PHC2: variants seen among roughly 807,000 people sequenced by gnomAD.
PHC2 encodes the protein polyhomeotic homolog 2, also known as polyhomeotic-like protein 2.
PHC2 carries 29 observed loss-of-function variants against 87.4 expected under a neutral mutation model. The observed-to-expected ratio is 0.33, with a 90% confidence interval of 0.25 to 0.45. The LOEUF is 0.45. Among genes scored for constraint, PHC2 ranks in the 20% least tolerant of loss-of-function variants. The pLI, the probability that PHC2 is intolerant of heterozygous loss-of-function variation, is 1.00. For missense variants in PHC2, 857 were observed against 1,136.7 expected, an observed-to-expected ratio of 0.75 and a Z score of 3.54; for synonymous variants, 438 against 461.7, an observed-to-expected ratio of 0.95 and a Z score of 0.66.
chr1:33,349,779 C>T lies in PHC2; in HGVS notation c.1558+4622G>A, dbSNP rs1409118568. The T allele has an allele frequency of 6.1e-6, 6 of 979,204 alleles. No individual in the cohort carries two copies. The South Asian group carries it at 2.8e-4, about 45-fold the overall frequency. The allele number at this position is 979,204 out of a possible 1,614,324, so 60.7% of individuals were successfully genotyped here. ...CGGCCTGGCCGGCGTCAACAAAGGG[C>T]GGCCGGGGCGCGAGGCCGGGACGGG... On this transcript the variant is annotated intron_variant, in intron 9 of 14. Coordinates refer to ENST00000683057, the MANE Select transcript of PHC2 (RefSeq NM_001385109.1). This position sits in a 1 kb window ranked among gnomAD's most constrained non-coding sequence, Gnocchi z 4.2.
intron 9 of PHC2, among the ~76,000 whole-genome samples, chr1:33,340,602 T>A (rs931505914): frequency 1.3e-5 from 2 of 152,168 alleles, no homozygotes; most frequent in Non-Finnish European, 2.9e-5. Context: ...TTTGGTTATA[T>A]TTGGGCCCCC....
At chr1:33,361,110 A>T (rs1327796518) in intron 7 of PHC2, among the ~76,000 whole-genome samples, 2 of 152,190 alleles carry the variant, frequency 1.3e-5, no homozygotes, top group Non-Finnish European at 2.9e-5. Context: ...GAAAGTCACA[A>T]AGGGGTAGGA....
chr1:33,376,972 A>G (rs974268035), intron 1 of PHC2, among the ~76,000 whole-genome samples: 2 of 152,188 alleles, frequency 1.3e-5, no homozygotes, highest in Admixed American at 6.5e-5. Flanking sequence ...AAGCCAGAAG[A>G]GCTCAAGTGT....
Position 33,394,700 on chromosome 1 carries a change from G to A in PHC2, c.-54-19107C>T, listed in dbSNP as rs72880298. Among the ~76,000 whole-genome samples the A allele has an allele frequency of 2.2e-3, 342 of 152,174 alleles. 1 individual carries two copies. The highest frequency in any genetic ancestry group is 7.8e-3 in the African/African-American group (324 of 41,516). On this transcript the variant is annotated intron_variant, in intron 1 of 14. Coordinates refer to ENST00000683057, the MANE Select transcript of PHC2 (RefSeq NM_001385109.1). ...AAGTGATTCTCTTGCCTCAGCCTCC[G>A]AAGCACAGGCACACACCACTGCACC...
At chr1:33,335,115 G>A (rs1318338255) in intron 9 of PHC2, 12 of 831,908 alleles carry the variant, frequency 1.4e-5, no homozygotes, top group South Asian at 5.5e-5. Context: ...GGGCCTGCTA[G>A]CCTTCCTCTA....
intron 9 of PHC2, chr1:33,336,531 GAAA>G (rs1378062175): frequency 2.0e-5 from 3 of 151,978 alleles, no homozygotes; most frequent in Admixed American, 2.0e-4. Context: ...ATATTCACTT[GAAA>G]AAAAATTTTT....
chr1:33,357,162 T>C (rs756798648), intron 7 of PHC2, among the ~76,000 whole-genome samples: 1 of 152,188 alleles, frequency 6.6e-6, no homozygotes, highest in Admixed American at 6.5e-5. Flanking sequence ...GCCAAGTGCA[T>C]GGCAGGCCAC....
intron 1 of PHC2, among the ~76,000 whole-genome samples, chr1:33,389,359 T>C (rs1448328315): frequency 6.6e-6 from 1 of 152,214 alleles, no homozygotes; most frequent in Admixed American, 6.5e-5. Context: ...CTCAGGGTGT[T>C]TGGATTAATC....
chr1:33,397,604 T>A (rs1427980341), intron 1 of PHC2, among the ~76,000 whole-genome samples: 2 of 152,116 alleles, frequency 1.3e-5, no homozygotes, highest in African/African-American at 4.8e-5. Flanking sequence ...GATTCAGCTG[T>A]GGCCCTCCTG....
chr1:33,343,730 C>T (rs1239629371), intron 9 of PHC2, among the ~76,000 whole-genome samples: 1 of 152,164 alleles, frequency 6.6e-6, no homozygotes, highest in African/African-American at 2.4e-5. Flanking sequence ...TGAGTCTGGC[C>T]TCTTACAGCC....
intron 1 of PHC2, among the ~76,000 whole-genome samples, chr1:33,426,508 G>A (rs1044318835): frequency 4.6e-5 from 7 of 152,194 alleles, no homozygotes; most frequent in African/African-American, 7.2e-5. Context: ...AAATGAACTT[G>A]TGTTGTATTT....
chr1:33,430,832 GCGGCCCGTCCCGGCCGAGCGCTC>G (rs1262086704), intron 1 of PHC2, 121 bp downstream of exon 1: 4 of 150,178 alleles, frequency 2.7e-5, no homozygotes, highest in African/African-American at 7.3e-5. Context: ...CCCGCCCCGC[GCGGCCCGTCCCGGCCGAGCGCTC>G]CGGCCCGACC....
chr1:33,332,248 G>A lies in PHC2; in HGVS notation c.1891+27C>T, dbSNP rs1253321534. On this transcript the variant is annotated intron_variant, in intron 11 of 14. Coordinates refer to ENST00000683057, the MANE Select transcript of PHC2 (RefSeq NM_001385109.1). The surrounding 1 kb of genome is among the most constrained non-coding windows in gnomAD (Gnocchi z 4.2). ...GCCTTTCCAGCCACGCTGGGAGGCC[G>A]AGAGATTCAGGGTCTGAGATGCCCA... 1.1e-5 allele frequency: 17 copies of A among 1,613,674 alleles called. No homozygotes were observed. In the East Asian group the frequency reaches 2.0e-4, roughly 19 times the overall value.
chr1:33,342,113 C>T (rs1000370708), intron 9 of PHC2, among the ~76,000 whole-genome samples: 6 of 147,568 alleles, frequency 4.1e-5, no homozygotes, highest in Non-Finnish European at 3.0e-5. Flanking sequence ...TCACTGGCTG[C>T]GGATGACTGA....
chr1:33,422,536 T>C (rs1453872049), intron 1 of PHC2, among the ~76,000 whole-genome samples: 1 of 152,232 alleles, frequency 6.6e-6, no homozygotes, highest in Admixed American at 6.5e-5. Flanking sequence ...AGCTTTGTTA[T>C]CATGATCAGA....
In PHC2 at chr1:33,332,231, A is replaced by C; in HGVS notation, c.1891+44T>G. ...GGAAGTGTGTGAGGCCTGCCTTTCC[A>C]GCCACGCTGGGAGGCCGAGAGATTC... On this transcript the variant is annotated intron_variant, in intron 11 of 14. Coordinates refer to ENST00000683057, the MANE Select transcript of PHC2 (RefSeq NM_001385109.1). This position sits in a 1 kb window ranked among gnomAD's most constrained non-coding sequence, Gnocchi z 4.2. 6.2e-7 allele frequency: 1 copy of C among 1,612,694 alleles called. No homozygotes were observed. Among genetic ancestry groups the C allele is most frequent in the Non-Finnish European group, 8.5e-7 (1 of 1,178,892 alleles).
At chr1:33,411,883 A>T (rs140508511) in intron 1 of PHC2, among the ~76,000 whole-genome samples, 28 of 152,310 alleles carry the variant, frequency 1.8e-4, no homozygotes, top group South Asian at 6.2e-4. Flanking sequence ...AGACAAAGGA[A>T]AATCATTTGA....
intron 1 of PHC2, among the ~76,000 whole-genome samples, chr1:33,423,395 C>T (rs1650507558): frequency 6.6e-6 from 1 of 152,086 alleles, no homozygotes; most frequent in Non-Finnish European, 1.5e-5. Flanking sequence ...GACCTGAAAC[C>T]ATCCATCCCG....
intron 7 of PHC2, among the ~76,000 whole-genome samples, chr1:33,361,578 T>A (rs1647195735): frequency 6.6e-6 from 1 of 152,194 alleles, no homozygotes; most frequent in Non-Finnish European, 1.5e-5. Context: ...TGACCTCAAG[T>A]GATCCGCCTG....
Sources: allele counts gnomAD v4.1 joint callset (sites outside exome capture counted in the v4.1 genomes callset), GRCh38; gene constraint gnomAD v4.1.1; non-coding constraint Gnocchi (gnomAD v3.1); transcripts MANE v1.5; gene names NCBI Gene and HGNC (gene_info 2026-07-23, HGNC 2026-07-21).